The following CPNE1 variants were observed in gnomAD, a reference collection of about 807,000 sequenced individuals.
CPNE1 encodes copine 1, also known as copine-1.
CPNE1 carries 58 observed loss-of-function variants against 63.2 expected under a neutral mutation model. The observed-to-expected ratio is 0.92, with a 90% CI of 0.74 to 1.14. The LOEUF is 1.14. Among genes scored for constraint, CPNE1 ranks in the 50% most tolerant of loss-of-function variants. CPNE1 has a pLI of 0.00. For synonymous variants in CPNE1, 237 were observed against 249.0 expected, an observed-to-expected ratio of 0.95 and a Z score of 0.45; for missense variants, 672 against 661.7, an observed-to-expected ratio of 1.02 and a Z score of -0.17.
intron 1 of CPNE1, among the ~76,000 whole-genome samples, chr20:35,641,338 T>C (rs1023793108): frequency 1.3e-5 from 2 of 152,192 alleles, no homozygotes; most frequent in African/African-American, 4.8e-5. Context: ...TTTTCCTCTC[T>C]TTGAAAAGCC....
Position 35,627,308 on chromosome 20 carries a change from G to A in CPNE1, c.1208C>T (p.Ala403Val). The A allele has an allele frequency of 1.2e-6, 2 of 1,611,748 alleles. No homozygotes were observed. Among genetic ancestry groups the A allele is most frequent in the Non-Finnish European group, 1.7e-6 (2 of 1,179,042 alleles). ...PIINHVARFA[A>V]QAAHQGTASQ... ...GGCAGTCCCCTGATGTGCAGCCTGG[G>A]CTGCAAACCTGGCCACATGGTTGAT... is the stretch of plus-strand genomic sequence containing the variant. The change falls in exon 14 of 16, where the codon GCC (alanine) becomes GTC (valine). Residue 403 changes from alanine to valine, a missense_variant. Ala to Val is a moderately conservative substitution (Grantham distance 64, BLOSUM62 0). Transcript: ENST00000397443.
intron 13 of CPNE1, among the ~76,000 whole-genome samples, chr20:35,628,310 T>TAA (rs760787710): frequency 4.3e-5 from 6 of 139,480 alleles, no homozygotes; most frequent in Non-Finnish European, 4.7e-5. Flanking sequence ...AAAAATAAAT[T>TAA]AAAAAAAAAA....
chr20:35,627,187 CAAAAAAAAAAAA>C, intron 14 of CPNE1, 81 bp downstream of exon 14: 60 of 534,028 alleles, frequency 1.1e-4, no homozygotes, highest in Middle Eastern at 6.5e-4. Context: ...GAGTCCATCT[CAAAAAAAAAAAA>C]AAAAAAAAAA....
intron 1 of CPNE1, chr20:35,655,464 C>T: frequency 1.2e-6 from 1 of 816,742 alleles, no homozygotes; most frequent in Non-Finnish European, 1.9e-6. Context: ...CTATCACAGG[C>T]AATGTCTTTA....
chr20:35,647,109 G>C (rs1375061354), intron 1 of CPNE1, among the ~76,000 whole-genome samples: 6 of 151,724 alleles, frequency 4.0e-5, no homozygotes, highest in Non-Finnish European at 2.9e-5. Flanking sequence ...TCAGGAGTTC[G>C]AGACCAGCCT....
intron 1 of CPNE1, among the ~76,000 whole-genome samples, chr20:35,659,435 T>C (rs764005542): frequency 7.2e-5 from 11 of 152,188 alleles, no homozygotes; most frequent in Non-Finnish European, 1.6e-4. Flanking sequence ...TAACAATTCT[T>C]GGACAACTTA....
At chr20:35,654,905 C>G in intron 1 of CPNE1, 1 of 1,614,126 alleles carries the variant, frequency 6.2e-7, no homozygotes, top group Non-Finnish European at 8.5e-7. Flanking sequence ...CTTTCATGAA[C>G]AGAAGTGGTG....
Position 35,626,741 on chromosome 20 carries a change from C to CTCACT in CPNE1, c.1298_1299insAGTGA (p.Ala434ValfsTer14), listed in dbSNP as rs1307646544. On this transcript the variant is annotated frameshift_variant, in exon 15 of 16. Transcript: ENST00000397443. LOFTEE classifies it high-confidence loss of function. ...GCAGGTTCGAGGCACGCACCACAGC[C>CTCACT]TCACGTGTGGCTTCCACATCCGTCA... 6.2e-7 allele frequency: 1 copy of CTCACT among 1,614,078 alleles called. No individual in the cohort carries two copies. Among genetic ancestry groups the CTCACT allele is most frequent in the African/African-American group, 1.3e-5 (1 of 74,920 alleles).
At chr20:35,653,872 T>A (rs139959407) in intron 1 of CPNE1, 1 of 1,614,016 alleles carries the variant, frequency 6.2e-7, no homozygotes, top group African/African-American at 1.3e-5. Flanking sequence ...AGCAGCCTTA[T>A]AGTCAGCCTC....
At chr20:35,663,045 ATCT>A (rs2034321237) in intron 1 of CPNE1, among the ~76,000 whole-genome samples, 1 of 152,224 alleles carries the variant, frequency 6.6e-6, no homozygotes, top group East Asian at 1.9e-4. Flanking sequence ...TACTAAGCAC[ATCT>A]TCATTGTTTT....
rs191965250 is a variant in CPNE1, at chr20:35,645,315, G to A, written c.1-12392C>T. Among the ~76,000 whole-genome samples the A allele has an allele frequency of 3.5e-4, 54 of 152,288 alleles. No homozygotes were observed. In the East Asian group the frequency reaches 7.9e-3, roughly 22 times the overall value. On this transcript the variant is annotated intron_variant, in intron 1 of 15. Transcript: ENST00000397443. ...TCAGAATTTACATGTTAGGGAAGCC[G>A]AGAAAGCAAAGGAATATTTCAACAA...
At chr20:35,655,383 G>A in intron 1 of CPNE1, 4 of 1,489,356 alleles carry the variant, frequency 2.7e-6, no homozygotes, top group Non-Finnish European at 3.6e-6. Context: ...TCAGACTCCT[G>A]TTTATCACAC....
chr20:35,639,785 T>TC (rs1431017723), intron 1 of CPNE1, among the ~76,000 whole-genome samples: 2 of 152,212 alleles, frequency 1.3e-5, no homozygotes, highest in Non-Finnish European at 2.9e-5. Flanking sequence ...TTCTCAAATG[T>TC]CCCCAAAAGA....
chr20:35,650,200 TA>T (rs2033402969), intron 1 of CPNE1: 1 of 152,556 alleles, frequency 6.6e-6, no homozygotes, highest in African/African-American at 2.4e-5. Context: ...TTGTGATTCA[TA>T]TAAAACATAG....
intron 1 of CPNE1, among the ~76,000 whole-genome samples, chr20:35,635,032 C>T (rs2032409603): frequency 6.6e-6 from 1 of 151,830 alleles, no homozygotes; most frequent in Admixed American, 6.6e-5. Context: ...TGTGTGCCAC[C>T]ACACCCAGCC....
intron 1 of CPNE1, among the ~76,000 whole-genome samples, chr20:35,646,760 C>T (rs2033128096): frequency 1.3e-5 from 2 of 152,200 alleles, no homozygotes; most frequent in African/African-American, 2.4e-5. Flanking sequence ...GAGTTAAATA[C>T]ACTCAACACC....
intron 1 of CPNE1, chr20:35,652,846 C>A (rs773765305): frequency 1.2e-6 from 2 of 1,610,092 alleles, no homozygotes; most frequent in African/African-American, 1.3e-5. Flanking sequence ...GGGGCCAGGC[C>A]CAAAAGCTGG....
intron 1 of CPNE1, among the ~76,000 whole-genome samples, chr20:35,659,393 A>G (rs1281030261): frequency 2.0e-5 from 3 of 152,236 alleles, no homozygotes; most frequent in African/African-American, 7.2e-5. Context: ...GTTCTCACCA[A>G]ATTTGTGATG....
chr20:35,627,197 A>G (rs1267105429), intron 14 of CPNE1, 83 bp downstream of exon 14: 1 of 1,196,074 alleles, frequency 8.4e-7, no homozygotes, highest in Admixed American at 3.0e-5. Flanking sequence ...CAAAAAAAAA[A>G]AAAAAAAAAA....
Sources: allele counts gnomAD v4.1 joint callset (sites outside exome capture counted in the v4.1 genomes callset), GRCh38; gene constraint gnomAD v4.1.1; transcripts MANE v1.5; gene names NCBI Gene and HGNC (gene_info 2026-07-23, HGNC 2026-07-21).